Variants in SIPA1L3 observed in about 807,000 individuals in gnomAD.
SIPA1L3 encodes the protein signal induced proliferation associated 1 like 3.
SIPA1L3 carries 59 observed loss-of-function variants against 150.1 expected under a neutral mutation model. The observed-to-expected ratio is 0.39, with a 90% CI of 0.32 to 0.49. The LOEUF (loss-of-function observed/expected upper bound fraction) is 0.49. Among genes scored for constraint, SIPA1L3 ranks in the 20% least tolerant of loss-of-function variants. SIPA1L3 has a pLI of 0.86. For synonymous variants in SIPA1L3, 1,070 were observed against 1,077.6 expected (o/e 0.99, Z 0.14); for missense variants, 2,211 against 2,489.5 (o/e 0.89, Z 2.38).
intron 1 of SIPA1L3, among the ~76,000 whole-genome samples, chr19:37,973,146 C>T (rs1417261797): frequency 3.3e-5 from 5 of 151,936 alleles, no homozygotes; most frequent in Non-Finnish European, 7.4e-5. Flanking sequence ...ACTTTCTCAC[C>T]CAGGTCAGAA....
chr19:37,934,516 G>A (rs186699072), intron 1 of SIPA1L3, among the ~76,000 whole-genome samples: 2 of 152,266 alleles, frequency 1.3e-5, no homozygotes, highest in Admixed American at 1.3e-4. Flanking sequence ...ATTAATAGAT[G>A]ATTAAACGAG....
intron 3 of SIPA1L3, among the ~76,000 whole-genome samples, chr19:38,085,749 T>C (rs1399862772): frequency 6.6e-6 from 1 of 152,164 alleles, no homozygotes; most frequent in African/African-American, 2.4e-5. Context: ...ATCCCCGCAC[T>C]TTGGGAGGCC....
intron 1 of SIPA1L3, among the ~76,000 whole-genome samples, chr19:37,919,320 C>T (rs950706402): frequency 1.4e-4 from 21 of 152,168 alleles, no homozygotes; most frequent in African/African-American, 1.9e-4. Context: ...ATTAATGATA[C>T]GAGCCAGCAT....
At chr19:38,059,435 C>CTGG (rs1017395672) in intron 2 of SIPA1L3, among the ~76,000 whole-genome samples, 125 of 151,520 alleles carry the variant, frequency 8.2e-4, no homozygotes, top group African/African-American at 3.0e-3. Context: ...TCCTGAGTAG[C>CTGG]TGGGACTACA....
chr19:37,972,003 G>A (rs1966952596), intron 1 of SIPA1L3, among the ~76,000 whole-genome samples: 1 of 152,154 alleles, frequency 6.6e-6, no homozygotes, highest in Admixed American at 6.5e-5. Context: ...CCTTTGGGTT[G>A]TTTCCACGTT....
At chr19:38,198,289 G>C in intron 18 of SIPA1L3, 100 bp from the exon 19 acceptor site, 2 of 1,318,946 alleles carry the variant, frequency 1.5e-6, no homozygotes, top group Non-Finnish European at 2.0e-6. Flanking sequence ...GGTTTTCCTG[G>C]GCATGTAGCA....
intron 1 of SIPA1L3, among the ~76,000 whole-genome samples, chr19:37,909,302 G>T (rs972108149): frequency 1.3e-5 from 2 of 152,094 alleles, no homozygotes; most frequent in Admixed American, 6.5e-5. Context: ...CCGTCTCCCG[G>T]GTTCAAGCAA....
At chr19:37,923,510 A>G (rs2046474703) in intron 1 of SIPA1L3, among the ~76,000 whole-genome samples, 1 of 152,104 alleles carries the variant, frequency 6.6e-6, no homozygotes, top group Non-Finnish European at 1.5e-5. Context: ...TAAAAGGTGC[A>G]CCTGTACAGG....
intron 16 of SIPA1L3, chr19:38,185,956 A>G (rs974516789): frequency 6.6e-6 from 1 of 152,410 alleles, no homozygotes; most frequent in African/African-American, 2.4e-5. Flanking sequence ...CCTTTCTTGC[A>G]GAAGTTGTCT....
intron 10 of SIPA1L3, among the ~76,000 whole-genome samples, chr19:38,137,131 C>G (rs1465658131): frequency 6.6e-6 from 1 of 152,228 alleles, no homozygotes; most frequent in African/African-American, 2.4e-5. Flanking sequence ...GATCAGCCAT[C>G]TGGCCCCGCA....
chr19:38,202,032 A>AGCG (rs751930865), intron 20 of SIPA1L3, 35 bp downstream of exon 20: 1 of 1,585,658 alleles, frequency 6.3e-7, no homozygotes, highest in Admixed American at 1.8e-5. Flanking sequence ...GGTTCATACC[A>AGCG]GCGGCAGGCC....
At chr19:38,042,664 C>G (rs1193332545) in intron 2 of SIPA1L3, among the ~76,000 whole-genome samples, 1 of 152,186 alleles carries the variant, frequency 6.6e-6, no homozygotes, top group Non-Finnish European at 1.5e-5. Context: ...AATATAGCTA[C>G]ATTTTCTAAG....
At chr19:37,970,191 T>G (rs1407321382) in intron 1 of SIPA1L3, among the ~76,000 whole-genome samples, 1 of 152,196 alleles carries the variant, frequency 6.6e-6, no homozygotes, top group African/African-American at 2.4e-5. Context: ...AATTTCAAAG[T>G]GAAAATGTTA....
At chr19:38,025,967 G>A (rs1444525491) in intron 1 of SIPA1L3, among the ~76,000 whole-genome samples, 2 of 152,184 alleles carry the variant, frequency 1.3e-5, no homozygotes, top group South Asian at 2.1e-4. Flanking sequence ...TTGCTAAATG[G>A]CCTGGTAGGG....
rs141132456 is a variant in SIPA1L3 at position 38,191,574 on chromosome 19, G to A, written c.4431-571G>A. Among the ~76,000 whole-genome samples the A allele has an allele frequency of 8.2e-4, 125 of 151,840 alleles. 1 individual carries two copies. The highest frequency in any genetic ancestry group is 2.9e-3 in the African/African-American group (119 of 41,406). On this transcript the variant is annotated intron_variant, in intron 16 of 21. Transcript: ENST00000222345. Reference sequence around the variant, plus strand: ...ACACCTGTAATCCCAGCACTTTGGGGGGCCGAGGCGGGTGGATCACCTGAG... The same window carrying A: ...ACACCTGTAATCCCAGCACTTTGGGAGGCCGAGGCGGGTGGATCACCTGAG...
chr19:37,942,250 A>G (rs1779332049), intron 1 of SIPA1L3, among the ~76,000 whole-genome samples: 1 of 152,000 alleles, frequency 6.6e-6, no homozygotes, highest in Non-Finnish European at 1.5e-5. Context: ...TAATAAGATA[A>G]TTCCAGATGG....
chr19:38,198,938 C>T (rs1973027335), intron 19 of SIPA1L3, among the ~76,000 whole-genome samples: 1 of 152,206 alleles, frequency 6.6e-6, no homozygotes, highest in Non-Finnish European at 1.5e-5. Flanking sequence ...TGCACTCCAG[C>T]CTGGGCGACA....
At chr19:38,103,656 G>C (rs1370562787) in intron 6 of SIPA1L3, among the ~76,000 whole-genome samples, 1 of 150,904 alleles carries the variant, frequency 6.6e-6, no homozygotes, top group East Asian at 1.9e-4. Context: ...CGGGCGCGGT[G>C]GTTCACGCCT....
chr19:38,103,206 G>T (rs1970547003), intron 6 of SIPA1L3, among the ~76,000 whole-genome samples: 1 of 152,080 alleles, frequency 6.6e-6, no homozygotes, highest in Non-Finnish European at 1.5e-5. Flanking sequence ...GGGAGAGGTG[G>T]GTGTGTCTAG....
Sources: gnomAD v4.1 joint callset for allele counts (sites outside exome capture counted in the v4.1 genomes callset) on GRCh38, gnomAD v4.1.1 for gene constraint, MANE v1.5 for transcripts, NCBI Gene and HGNC (gene_info 2026-07-23, HGNC 2026-07-21) for gene names.